The following CHIC1 variants were observed in gnomAD, a reference collection of about 807,000 sequenced individuals.
The protein encoded by CHIC1 is cysteine-rich hydrophobic domain-containing protein 1.
A neutral mutation model predicts 18.5 loss-of-function variants in CHIC1; 7 were observed. That is an observed-to-expected ratio of 0.38 (90% CI 0.22 to 0.71). CHIC1 has a LOEUF of 0.71. CHIC1 is among the 30% of genes least tolerant of loss of function. CHIC1 has a pLI of 0.49. For synonymous variants in CHIC1, 77 were observed against 73.5 expected, an observed-to-expected ratio of 1.05 and a Z score of -0.25; for missense variants, 159 against 176.9, an observed-to-expected ratio of 0.90 and a Z score of 0.57.
intron 3 of CHIC1, among the ~76,000 whole-genome samples, chrX:73,673,859 CATTCAGTATG>C (rs1461213960): frequency 2.7e-5 from 3 of 111,771 alleles, no homozygotes; most frequent in Non-Finnish European, 5.6e-5. Context: ...AGTTTTTGCC[CATTCAGTATG>C]ATTTTGGTTG....
chrX:73,606,395 C>T (rs954713042), intron 3 of CHIC1, among the ~76,000 whole-genome samples: 1 of 106,650 alleles, frequency 9.4e-6, no homozygotes, highest in Non-Finnish European at 1.9e-5. Flanking sequence ...AATTTTTTTT[C>T]AAGGCTCTTA....
chrX:73,652,613 C>A (rs970321749), intron 3 of CHIC1, among the ~76,000 whole-genome samples: 2 of 112,028 alleles, frequency 1.8e-5, no homozygotes, highest in African/African-American at 3.2e-5. Context: ...ATGTGGCCAA[C>A]AAACATATGG....
At chrX:73,584,873 G>T (rs931242635) in intron 3 of CHIC1, among the ~76,000 whole-genome samples, 5 of 111,118 alleles carry the variant, frequency 4.5e-5, no homozygotes, top group Non-Finnish European at 7.6e-5. Context: ...CTGATGCTGT[G>T]CCTTAAGGTA....
chrX:73,574,976 G>C (rs2057490200), intron 1 of CHIC1, among the ~76,000 whole-genome samples: 1 of 109,772 alleles, frequency 9.1e-6, no homozygotes, highest in Admixed American at 9.7e-5. Flanking sequence ...TCTAGGTCCT[G>C]CATAGAGTTT....
chrX:73,603,578 C>T (rs1315372709), intron 3 of CHIC1, among the ~76,000 whole-genome samples: 3 of 108,202 alleles, frequency 2.8e-5, no homozygotes, highest in Non-Finnish European at 1.9e-5. Flanking sequence ...TGTCTTGTGC[C>T]GGTTTTCAAA....
chrX:73,622,247 T>C (rs997182717), intron 3 of CHIC1, among the ~76,000 whole-genome samples: 1 of 112,055 alleles, frequency 8.9e-6, no homozygotes, highest in Non-Finnish European at 1.9e-5. Context: ...TTTTCTATTG[T>C]TTGGAATAGT....
chrX:73,573,590 A>G (rs925281072), intron 1 of CHIC1, among the ~76,000 whole-genome samples: 2 of 110,937 alleles, frequency 1.8e-5, no homozygotes, highest in African/African-American at 6.5e-5. Flanking sequence ...GTCATCTCTG[A>G]TTTCTTTCAG....
chrX:73,583,941 A>G (rs1004169137), intron 2 of CHIC1, among the ~76,000 whole-genome samples: 1 of 111,316 alleles, frequency 9.0e-6, no homozygotes, highest in African/African-American at 3.3e-5. Context: ...TTGCCAGGGA[A>G]TAAGGGTTTG....
intron 3 of CHIC1, among the ~76,000 whole-genome samples, chrX:73,631,995 T>C (rs1443702425): frequency 1.8e-5 from 2 of 112,143 alleles, no homozygotes; most frequent in Non-Finnish European, 3.8e-5. Context: ...ATTGAGAAGA[T>C]TGTGTATTCT....
intron 3 of CHIC1, among the ~76,000 whole-genome samples, chrX:73,667,777 T>G (rs750417187): frequency 4.8e-4 from 53 of 111,146 alleles, no homozygotes; most frequent in Non-Finnish European, 6.0e-4. Flanking sequence ...ACTTGGCCTT[T>G]CTCTCTGGCT....
At chrX:73,588,349 A>G (rs934122275) in intron 3 of CHIC1, among the ~76,000 whole-genome samples, 1 of 111,087 alleles carries the variant, frequency 9.0e-6, no homozygotes, top group African/African-American at 3.3e-5. Flanking sequence ...TGAACATTTT[A>G]TATGATATGT....
rs2058108952 is a variant in CHIC1, at chrX:73,683,693, A to G, written c.*2688A>G. 1 of 111,878 alleles carries G rather than the reference A, an allele frequency of 8.9e-6. No homozygotes were observed. Among genetic ancestry groups the G allele is most frequent in the Non-Finnish European group, 1.9e-5 (1 of 52,916 alleles). The allele number at this position is 111,878 out of a possible 1,213,427, so 9.2% of individuals were successfully genotyped here. A position where few individuals can be genotyped will look rare whatever the true frequency, so the allele number is the denominator to read the frequency against. On this transcript the variant is annotated 3_prime_UTR_variant, in exon 6 of 6. Coordinates refer to ENST00000373502, the MANE Select transcript of CHIC1 (RefSeq NM_001039840.4). ...AACATGTATTTGCCAAAGTATATAA[A>G]TCTCACAAGGCTTTAAGATTACAAG... is the stretch of plus-strand genomic sequence containing the variant.
chrX:73,584,203 T>C (rs1323413727), intron 2 of CHIC1, among the ~76,000 whole-genome samples: 5 of 111,154 alleles, frequency 4.5e-5, no homozygotes, highest in African/African-American at 1.3e-4. Context: ...TTTCAGAAGA[T>C]TGATTTTCAA....
At chrX:73,588,611 G>A (rs1306102341) in intron 3 of CHIC1, among the ~76,000 whole-genome samples, 2 of 110,532 alleles carry the variant, frequency 1.8e-5, no homozygotes, top group East Asian at 5.7e-4. Context: ...CCTCTTTTCT[G>A]TATTTTACAA....
intron 3 of CHIC1, among the ~76,000 whole-genome samples, chrX:73,646,161 G>T (rs2057888400): frequency 9.0e-6 from 1 of 111,653 alleles, no homozygotes; most frequent in Non-Finnish European, 1.9e-5. Context: ...TCTGTATTGT[G>T]TGTTCTTAGC....
intron 5 of CHIC1, among the ~76,000 whole-genome samples, chrX:73,680,147 A>T (rs1338399577): frequency 9.9e-6 from 1 of 101,123 alleles, no homozygotes; most frequent in African/African-American, 3.6e-5. Context: ...AAGAAACTGT[A>T]GGTTCTAATT....
chrX:73,669,337 G>A (rs2058019058), intron 3 of CHIC1, among the ~76,000 whole-genome samples: 1 of 110,942 alleles, frequency 9.0e-6, no homozygotes, highest in Non-Finnish European at 1.9e-5. Context: ...ATGGATCAGT[G>A]CCCTGCTTAA....
chrX:73,685,749 T>C lies in CHIC1; in HGVS notation c.*4744T>C, dbSNP rs1442397128. ...TAATTTCTAAATAGATTTCTTTAAA[T>C]CCATGCTATGTTTTCTTTTTCAGTC... is the stretch of plus-strand genomic sequence containing the variant. On this transcript the variant is annotated 3_prime_UTR_variant, in exon 6 of 6. Transcript: ENST00000373502. The C allele has an allele frequency of 8.9e-6, 1 of 111,955 alleles. No individual in the cohort carries two copies. Among genetic ancestry groups the C allele is most frequent in the Non-Finnish European group, 1.9e-5 (1 of 53,004 alleles). The allele number at this position is 111,955 out of a possible 1,213,427, so 9.2% of individuals were successfully genotyped here. A position where few individuals can be genotyped will look rare whatever the true frequency, so the allele number is the denominator to read the frequency against.
chrX:73,599,428 A>G (rs1261342750), intron 3 of CHIC1, among the ~76,000 whole-genome samples: 1 of 90,532 alleles, frequency 1.1e-5, no homozygotes, highest in Non-Finnish European at 2.0e-5. Context: ...CCTGAATGGT[A>G]ATGCCTAGGT....
Sources: allele counts gnomAD v4.1 joint callset (sites outside exome capture counted in the v4.1 genomes callset), GRCh38; gene constraint gnomAD v4.1.1; transcripts MANE v1.5; gene names NCBI Gene and HGNC (gene_info 2026-07-23, HGNC 2026-07-21).